The following ZNF141 variants were observed in gnomAD, a reference collection of about 807,000 sequenced individuals.
ZNF141 encodes zinc finger protein 141 (clone pHZ-44).
A neutral mutation model predicts 11.3 loss-of-function variants in ZNF141; 7 were observed. The ratio of observed to expected loss-of-function variants is 0.62; its 90% CI spans 0.35 to 1.16. The LOEUF is 1.16. Among genes scored for constraint, ZNF141 ranks in the 50% most tolerant of loss-of-function variants. The probability of loss-of-function intolerance (pLI) is 0.02; values close to 1 mark genes in which losing one functional copy is unlikely to be tolerated. For synonymous variants in ZNF141, 183 were observed against 190.7 expected (o/e 0.96, Z 0.33); for missense variants, 535 against 554.0 (o/e 0.97, Z 0.34).
At chr4:344,508 G>A in intron 3 of ZNF141, 78 bp downstream of exon 3, 10 of 1,329,270 alleles carry the variant, frequency 7.5e-6, no homozygotes, top group African/African-American at 1.5e-5. Flanking sequence ...TTAAAATGTG[G>A]TTTGGGGCCG....
intron 1 of ZNF141, chr4:338,677 T>C (rs1176326949): frequency 5.2e-5 from 8 of 152,996 alleles, no homozygotes; most frequent in African/African-American, 1.2e-4. Context: ...TGTAGACAGG[T>C]GTTCAGAAAT....
intron 3 of ZNF141, among the ~76,000 whole-genome samples, chr4:345,549 A>G (rs1479396834): frequency 6.6e-6 from 1 of 151,920 alleles, no homozygotes; most frequent in Non-Finnish European, 1.5e-5. Flanking sequence ...ACTAACATGG[A>G]GAAACCCTGT....
Position 373,841 on chromosome 4 carries a change from A to G in ZNF141, c.1404A>G (p.Lys468=). ...TTAAACGGTTCTCACACCTGAATAA[A>G]CATAAGAAAATTCATACTTGAGAGA... is the stretch of plus-strand genomic sequence containing the variant. ...KAFKRFSHLN[K]HKKIHT is the part of the protein sequence containing the mutation. Residue 468 remains lysine, a synonymous_variant, in exon 4 of 4, where the codon AAA becomes AAG. Coordinates refer to ENST00000240499, the MANE Select transcript of ZNF141 (RefSeq NM_003441.4). The G allele has an allele frequency of 6.2e-7, 1 of 1,604,066 alleles. No individual in the cohort carries two copies. Among genetic ancestry groups the G allele is most frequent in the South Asian group, 1.1e-5 (1 of 89,812 alleles).
At chr4:367,520 T>TC (rs200761421) in intron 3 of ZNF141, among the ~76,000 whole-genome samples, 2,103 of 82,204 alleles carry the variant, frequency 0.026, 51 homozygotes, top group African/African-American at 0.07. Flanking sequence ...CTTTACAATC[T>TC]TTTTTTTTTT....
rs1344715822 is a variant in ZNF141 at position 379,714 on chromosome 4, A to AT, written c.*5858dup. On this transcript the variant is annotated 3_prime_UTR_variant, in exon 4 of 4. Coordinates refer to ENST00000240499, the MANE Select transcript of ZNF141 (RefSeq NM_003441.4). ...TACAAAAACAGCACAAAAACTATATATTTTTTATAATACTCAAGTTGTTTG... is the reference window on the plus strand; with the variant it reads ...TACAAAAACAGCACAAAAACTATATATTTTTTTATAATACTCAAGTTGTTTG... 6.6e-6 allele frequency among the ~76,000 whole-genome samples: 1 copy of AT among 152,182 alleles called. No individual in the cohort carries two copies. Among genetic ancestry groups the AT allele is most frequent in the Non-Finnish European group, 1.5e-5 (1 of 68,044 alleles).
At chr4:347,063 G>A (rs1420088388) in intron 3 of ZNF141, among the ~76,000 whole-genome samples, 13 of 146,150 alleles carry the variant, frequency 8.9e-5, no homozygotes, top group African/African-American at 2.6e-4. Flanking sequence ...TTGAGATGGA[G>A]TTTCACTCTT....
Position 377,599 on chromosome 4 carries a change from G to GTTA in ZNF141, c.*3737_*3738insTTA, listed in dbSNP as rs1560202465. Among the ~76,000 whole-genome samples, 5 of 152,072 alleles carry GTTA rather than the reference G, an allele frequency of 3.3e-5. No homozygotes were observed. Among genetic ancestry groups the GTTA allele is most frequent in the Admixed American group, 3.3e-4 (5 of 15,252 alleles). On this transcript the variant is annotated 3_prime_UTR_variant, in exon 4 of 4. Coordinates refer to ENST00000240499, the MANE Select transcript of ZNF141 (RefSeq NM_003441.4). ...TTTCACGTGGACTTTAGGTTAACTG[G>GTTA]GGTGTTTGAGGTTATTTATAGGTTA...
chr4:342,988 C>G, intron 1 of ZNF141: 1 of 1,300,526 alleles, frequency 7.7e-7, no homozygotes, highest in African/African-American at 1.5e-5. Context: ...CAGTTCCTTG[C>G]GTGGTTAAAA....
chr4:369,339 A>G lies in ZNF141; in HGVS notation c.227-3325A>G, dbSNP rs563609374. On this transcript the variant is annotated intron_variant, in intron 3 of 3. Transcript: ENST00000240499. ...TGACTTAAGATGTACTTTGTGTTATATAACTTGGACCTGTTCTCCTCTTAT... is the reference window on the plus strand; with the variant it reads ...TGACTTAAGATGTACTTTGTGTTATGTAACTTGGACCTGTTCTCCTCTTAT... Among the ~76,000 whole-genome samples the G allele has an allele frequency of 2.4e-4, 37 of 152,276 alleles. No individual in the cohort carries two copies. In the South Asian group the frequency reaches 7.5e-3, roughly 31 times the overall value.
intron 3 of ZNF141, among the ~76,000 whole-genome samples, chr4:345,453 G>C (rs1465219720): frequency 2.6e-5 from 4 of 152,112 alleles, no homozygotes; most frequent in Non-Finnish European, 5.9e-5. Flanking sequence ...AAGAAGAATT[G>C]TCTTGGGCCA....
intron 3 of ZNF141, among the ~76,000 whole-genome samples, chr4:365,728 G>A (rs1359539284): frequency 1.3e-5 from 2 of 152,146 alleles, no homozygotes; most frequent in East Asian, 1.9e-4. Context: ...GTAATATGTG[G>A]TAAAGCATTC....
At chr4:353,695 C>T (rs1581598968) in intron 3 of ZNF141, among the ~76,000 whole-genome samples, 5 of 152,152 alleles carry the variant, frequency 3.3e-5, no homozygotes, top group African/African-American at 1.2e-4. Flanking sequence ...CTCCTGACCT[C>T]AGGTGATCCC....
At chr4:350,047 C>T (rs1465704035) in intron 3 of ZNF141, 1 of 479,844 alleles carries the variant, frequency 2.1e-6, no homozygotes, top group Non-Finnish European at 4.3e-6. Flanking sequence ...GGCCTGCCTC[C>T]AGGGCCATGG....
chr4:340,673 C>G (rs1429344510), intron 1 of ZNF141, among the ~76,000 whole-genome samples: 4 of 152,138 alleles, frequency 2.6e-5, no homozygotes, highest in Admixed American at 6.6e-5. Flanking sequence ...ATTACGAGAC[C>G]AAGTGATGTG....
chr4:382,562 A>T lies in ZNF141; in HGVS notation c.*8700A>T, dbSNP rs1712711092. 1 of 152,246 alleles carries T rather than the reference A, an allele frequency of 6.6e-6. No homozygotes were observed. Among genetic ancestry groups the T allele is most frequent in the African/African-American group, 2.4e-5 (1 of 41,452 alleles). 9.4% of individuals were successfully genotyped at this position (152,246 alleles called of 1,614,324 possible). ...TTCTCCTATGATAAATTAAAAATGT[A>T]ATGTTGGGCATTAATTTCCTAAACC... On this transcript the variant is annotated 3_prime_UTR_variant, in exon 4 of 4. Transcript: ENST00000240499.
intron 1 of ZNF141, chr4:338,341 AATG>A: frequency 3.6e-6 from 1 of 276,680 alleles, no homozygotes; most frequent in Non-Finnish European, 7.0e-6. Context: ...CCCTGTTCGG[AATG>A]AGATCGAGGC....
chr4:364,868 A>C (rs1262930917), intron 3 of ZNF141, among the ~76,000 whole-genome samples: 1 of 122,244 alleles, frequency 8.2e-6, no homozygotes. Flanking sequence ...CTTCAGAGCC[A>C]TCATACAGGA....
intron 3 of ZNF141, among the ~76,000 whole-genome samples, chr4:348,321 C>T (rs1310652601): frequency 2.0e-5 from 3 of 151,882 alleles, no homozygotes; most frequent in African/African-American, 7.3e-5. Context: ...AAGTTATTGC[C>T]GAGACCAATA....
In ZNF141 at chr4:373,149, A is replaced by AG; in HGVS notation, c.712_713insG (p.Thr238SerfsTer7). 1 of 1,613,994 alleles carries AG rather than the reference A, an allele frequency of 6.2e-7. No homozygotes were observed. The highest frequency in any genetic ancestry group is 8.5e-7 in the Non-Finnish European group (1 of 1,179,980). ...TGAAGAATGTGGCAGCATCTTTACC[A>AG]CATCCTCACACTTTGCTAAGCATAA... On this transcript the variant is annotated frameshift_variant, in exon 4 of 4. Coordinates refer to ENST00000240499, the MANE Select transcript of ZNF141 (RefSeq NM_003441.4). LOFTEE classifies it low-confidence loss of function (END_TRUNC).
Sources: allele counts gnomAD v4.1 joint callset (sites outside exome capture counted in the v4.1 genomes callset), GRCh38; gene constraint gnomAD v4.1.1; transcripts MANE v1.5; gene names NCBI Gene and HGNC (gene_info 2026-07-23, HGNC 2026-07-21).